Variants in PCNX1 observed in about 807,000 individuals in gnomAD.
PCNX1 encodes the protein pecanex-like protein 1.
PCNX1 carries 78 observed loss-of-function variants against 242.2 expected under a neutral mutation model. The ratio of observed to expected loss-of-function variants is 0.32; its 90% CI spans 0.27 to 0.39. The LOEUF (loss-of-function observed/expected upper bound fraction) is 0.39. PCNX1 is among the 10% of genes least tolerant of loss of function. The pLI, the probability that PCNX1 is intolerant of heterozygous loss-of-function variation, is 1.00. For missense variants in PCNX1, 2,581 were observed against 2,856.5 expected (o/e 0.90, Z 2.20); for synonymous variants, 1,024 against 1,032.9 (o/e 0.99, Z 0.17).
Position 71,109,988 on chromosome 14 carries a change from G to A in PCNX1, c.*53G>A, listed in dbSNP as rs757869127. 4.6e-6 allele frequency: 7 copies of A among 1,534,616 alleles called. No individual in the cohort carries two copies. The highest frequency in any genetic ancestry group is 6.3e-6 in the Non-Finnish European group (7 of 1,108,590). ...TTTTCCCTCTCAATTCCAAGGCATTGGAAAAAGAGAGGAACAAGCAGAAGA... is the reference window on the plus strand; with the variant it reads ...TTTTCCCTCTCAATTCCAAGGCATTAGAAAAAGAGAGGAACAAGCAGAAGA... On this transcript the variant is annotated 3_prime_UTR_variant, in exon 36 of 36. Transcript: ENST00000304743.
chr14:71,046,294 C>A (rs947784670), intron 20 of PCNX1, among the ~76,000 whole-genome samples: 2 of 152,014 alleles, frequency 1.3e-5, no homozygotes, highest in Admixed American at 6.6e-5. Context: ...TAAAGACCAA[C>A]ACTTTTCATT....
At chr14:71,010,026 T>C (rs556065999) in intron 9 of PCNX1, among the ~76,000 whole-genome samples, 1 of 152,250 alleles carries the variant, frequency 6.6e-6, no homozygotes, top group East Asian at 1.9e-4. Flanking sequence ...TTGTTAATTG[T>C]AGTCACCAGG....
intron 26 of PCNX1, among the ~76,000 whole-genome samples, chr14:71,064,285 A>G (rs1414151543): frequency 2.6e-5 from 4 of 152,134 alleles, no homozygotes; most frequent in Admixed American, 2.6e-4. Context: ...TGCTATAATT[A>G]TTGACTTCAT....
rs192861345 is a variant in PCNX1, at chr14:71,023,859, A to G, written c.3183+627A>G. 1.4e-3 allele frequency among the ~76,000 whole-genome samples: 206 copies of G among 152,228 alleles called. 1 individual carries two copies. Among genetic ancestry groups the G allele is most frequent in the African/African-American group, 4.7e-3 (197 of 41,568 alleles). ...AATAGTTTATGATTTTTTTCCTTGA[A>G]TATAATTTTTTTAATCCTTTCACTG... On this transcript the variant is annotated intron_variant, in intron 13 of 35. Transcript: ENST00000304743.
rs773721736 is a variant in PCNX1, at chr14:71,047,854, C to T, written c.4208C>T (p.Ser1403Phe). ...ITVAGLKLLR[S>F]SFSSPTYQYV... Reference sequence around the variant, plus strand: ...GTTGCTGGTTTGAAGTTGCTACGATCCTCTTTTAGCAGCCCTACATATCAG... The same window carrying T: ...GTTGCTGGTTTGAAGTTGCTACGATTCTCTTTTAGCAGCCCTACATATCAG... Residue 1403 changes from serine (S) to phenylalanine (F), a missense_variant, in exon 22 of 36, where the codon TCC becomes TTC. Around this residue, in one of 9 missense-constraint regions of PCNX1, gnomAD observed 432 missense variants for 443.1 expected, o/e 0.97. Coordinates refer to ENST00000304743, the MANE Select transcript of PCNX1 (RefSeq NM_014982.3). 6 of 1,612,616 alleles carry T rather than the reference C, an allele frequency of 3.7e-6. No homozygotes were observed. The highest frequency in any genetic ancestry group is 3.3e-5 in the Admixed American group (2 of 59,954).
intron 13 of PCNX1, among the ~76,000 whole-genome samples, chr14:71,023,807 T>A (rs899683586): frequency 6.6e-6 from 1 of 152,128 alleles, no homozygotes; most frequent in Non-Finnish European, 1.5e-5. Context: ...ATATTCTATT[T>A]AAAGTAGTTC....
At chr14:71,060,252 A>G (rs1167750462) in intron 26 of PCNX1, among the ~76,000 whole-genome samples, 2 of 152,204 alleles carry the variant, frequency 1.3e-5, no homozygotes, top group Non-Finnish European at 2.9e-5. Flanking sequence ...AAACTATGCT[A>G]CTGGTCATGT....
At chr14:70,974,504 A>G (rs2058637366) in intron 5 of PCNX1, among the ~76,000 whole-genome samples, 1 of 152,160 alleles carries the variant, frequency 6.6e-6, no homozygotes, top group African/African-American at 2.4e-5. Context: ...TAGTGCCTGT[A>G]TGAAATTATT....
At chr14:71,048,342 A>G (rs1340813805) in intron 22 of PCNX1, among the ~76,000 whole-genome samples, 1 of 152,204 alleles carries the variant, frequency 6.6e-6, no homozygotes, top group East Asian at 1.9e-4. Flanking sequence ...TGAAGCAGGT[A>G]GAGGCTGAGG....
At chr14:71,056,231 A>C (rs1184977353) in intron 25 of PCNX1, among the ~76,000 whole-genome samples, 1 of 152,224 alleles carries the variant, frequency 6.6e-6, no homozygotes, top group African/African-American at 2.4e-5. Context: ...TTTGACTTAC[A>C]AATTCCTTCA....
chr14:71,103,722 T>A (rs769846655), intron 32 of PCNX1, 53 bp downstream of exon 32: 8 of 1,559,220 alleles, frequency 5.1e-6, no homozygotes, highest in African/African-American at 1.4e-5. Flanking sequence ...ACCCTCTTAA[T>A]CTAGGCAGTG....
intron 33 of PCNX1, among the ~76,000 whole-genome samples, chr14:71,106,728 A>G (rs914720382): frequency 6.6e-6 from 1 of 152,148 alleles, no homozygotes; most frequent in Non-Finnish European, 1.5e-5. Flanking sequence ...GAAGTTTTTA[A>G]TGAATTTATC....
At chr14:71,021,711 T>C (rs914520574) in intron 12 of PCNX1, among the ~76,000 whole-genome samples, 8 of 152,088 alleles carry the variant, frequency 5.3e-5, no homozygotes, top group Admixed American at 1.3e-4. Context: ...TTATGAATGC[T>C]ACATCATTTA....
At chr14:71,004,026 T>A (rs1225602924) in intron 8 of PCNX1, among the ~76,000 whole-genome samples, 1 of 152,234 alleles carries the variant, frequency 6.6e-6, no homozygotes, top group Non-Finnish European at 1.5e-5. Context: ...AGATTCTTGG[T>A]CTAGGACAGG....
intron 2 of PCNX1, among the ~76,000 whole-genome samples, chr14:70,948,468 C>G (rs889761946): frequency 6.6e-6 from 1 of 152,074 alleles, no homozygotes; most frequent in Admixed American, 6.5e-5. Flanking sequence ...TAGTTACTTA[C>G]ACTAGAGACC....
rs533191454 is a variant in PCNX1 at position 70,972,630 on chromosome 14, A to G, written c.604+3520A>G. Among the ~76,000 whole-genome samples the G allele has an allele frequency of 3.3e-5, 5 of 152,296 alleles. No homozygotes were observed. The East Asian group carries it at 5.8e-4, about 18-fold the overall frequency. Reference sequence around the variant, plus strand: ...ACTCTTACTCCTCTGGTTTGGATTTACAGGATCCAAACCAAGGATCCAAGC... The same window carrying G: ...ACTCTTACTCCTCTGGTTTGGATTTGCAGGATCCAAACCAAGGATCCAAGC... On this transcript the variant is annotated intron_variant, in intron 5 of 35. Coordinates refer to ENST00000304743, the MANE Select transcript of PCNX1 (RefSeq NM_014982.3).
chr14:71,040,526 G>A (rs1170126793), intron 19 of PCNX1, among the ~76,000 whole-genome samples: 2 of 151,796 alleles, frequency 1.3e-5, no homozygotes, highest in South Asian at 2.1e-4. Context: ...TCCTCTAAAC[G>A]TTCTTCATTT....
chr14:71,108,969 G>C lies in PCNX1; in HGVS notation c.6667G>C (p.Asp2223His), dbSNP rs1256413776. ...AGAGGGAGGTCAGAGCAGTGCCACT[G>C]ATGCACAGCCAGGCAACACCTTAAG... ...ATEGGQSSAT[D>H]AQPGNTLSPA... The change falls in exon 34 of 36, where the codon GAT (aspartate) becomes CAT (histidine). Residue 2223 changes from aspartate to histidine, a missense_variant. Around this residue, in one of 9 missense-constraint regions of PCNX1, gnomAD observed 432 missense variants for 433.6 expected, o/e 1.00. Transcript: ENST00000304743. The C allele has an allele frequency of 1.2e-6, 2 of 1,614,112 alleles. No individual in the cohort carries two copies. The highest frequency in any genetic ancestry group is 4.5e-5 in the East Asian group (2 of 44,896).
chr14:70,976,825 A>G, intron 5 of PCNX1, 117 bp from the exon 6 acceptor site: 1 of 853,794 alleles, frequency 1.2e-6, no homozygotes, highest in Non-Finnish European at 1.8e-6. Context: ...TTGGAGAACT[A>G]CTTGAGAAAT....
Sources: gnomAD v4.1 joint callset for allele counts (sites outside exome capture counted in the v4.1 genomes callset) on GRCh38, gnomAD v4.1.1 for gene constraint, gnomAD v4.1.1 regional missense constraint, MANE v1.5 for transcripts, NCBI Gene and HGNC (gene_info 2026-07-23, HGNC 2026-07-21) for gene names.